Variants in LMNTD1 observed in about 807,000 individuals in gnomAD.
The protein encoded by LMNTD1 is lamin tail domain-containing protein 1.
LMNTD1 carries 35 observed loss-of-function variants against 50.9 expected under a neutral mutation model. The observed-to-expected ratio is 0.69, with a 90% confidence interval of 0.53 to 0.91. The LOEUF (loss-of-function observed/expected upper bound fraction) is 0.91. Among genes scored for constraint, LMNTD1 ranks in the 40% least tolerant of loss-of-function variants. The pLI is 0.00. For synonymous variants in LMNTD1, 153 were observed against 161.9 expected (o/e 0.94, Z 0.42); for missense variants, 470 against 475.5 (o/e 0.99, Z 0.11).
chr12:25,544,259 T>C (rs1001602427), intron 4 of LMNTD1, among the ~76,000 whole-genome samples: 8 of 151,898 alleles, frequency 5.3e-5, no homozygotes, highest in African/African-American at 1.7e-4. Flanking sequence ...GTGTGGGGTG[T>C]ACAGATATTT....
intron 4 of LMNTD1, among the ~76,000 whole-genome samples, chr12:25,544,322 CTTCT>C (rs924930075): frequency 3.3e-5 from 5 of 150,814 alleles, no homozygotes; most frequent in Non-Finnish European, 3.0e-5. Flanking sequence ...ATATAGTGAC[CTTCT>C]TTGTCTCTTT....
In LMNTD1 at chr12:25,566,269, T is replaced by C. The variant is rs1349209850; in HGVS notation, c.59-19715A>G. 3.9e-5 allele frequency among the ~76,000 whole-genome samples: 6 copies of C among 152,308 alleles called. No individual in the cohort carries two copies. In the East Asian group the frequency reaches 9.6e-4, roughly 24 times the overall value. ...GTCTATTTTCTAGTTCCTATAAGTG[T>C]GCTTCATAGTTTTTTATTCTTTTTT... On this transcript the variant is annotated intron_variant, in intron 1 of 7. Transcript: ENST00000445693.
chr12:25,614,762 A>T (rs971743286), intron 1 of LMNTD1, among the ~76,000 whole-genome samples: 1 of 152,194 alleles, frequency 6.6e-6, no homozygotes, highest in African/African-American at 2.4e-5. Context: ...AAAGTATCAC[A>T]GACTGGGTGA....
intron 2 of LMNTD1, among the ~76,000 whole-genome samples, chr12:25,550,899 T>C (rs565123098): frequency 1.3e-5 from 2 of 152,364 alleles, no homozygotes; most frequent in East Asian, 3.9e-4. Context: ...GAAAATGTCA[T>C]GATTACTAGC....
chr12:25,534,904 G>GTT (rs1445665534), intron 4 of LMNTD1, among the ~76,000 whole-genome samples: 1 of 152,078 alleles, frequency 6.6e-6, no homozygotes, highest in African/African-American at 2.4e-5. Flanking sequence ...TAACTTAAGT[G>GTT]GGTCCCAGAA....
intron 9 of LMNTD1, among the ~76,000 whole-genome samples, chr12:25,499,478 T>C (rs936889695): frequency 5.9e-5 from 9 of 152,200 alleles, no homozygotes; most frequent in African/African-American, 2.2e-4. Context: ...TGATTTATGA[T>C]GTTCAGGGCT....
chr12:25,567,528 T>C (rs1944602371), intron 1 of LMNTD1, among the ~76,000 whole-genome samples: 1 of 152,248 alleles, frequency 6.6e-6, no homozygotes, highest in Non-Finnish European at 1.5e-5. Flanking sequence ...TGTTGAATTG[T>C]AATCCCCAGT....
At chr12:25,564,030 A>G (rs1944449165) in intron 1 of LMNTD1, among the ~76,000 whole-genome samples, 1 of 151,972 alleles carries the variant, frequency 6.6e-6, no homozygotes, top group Non-Finnish European at 1.5e-5. Flanking sequence ...GAGTGTCCCA[A>G]TTTTCCAGGT....
upstream of LMNTD1, among the ~76,000 whole-genome samples, chr12:25,556,251 G>A (rs973833867): frequency 2.6e-5 from 4 of 152,160 alleles, no homozygotes; most frequent in African/African-American, 9.7e-5. Flanking sequence ...GGGATTACAG[G>A]TGTGAGCCAT....
At chr12:25,602,887 C>A (rs986660831) in intron 1 of LMNTD1, among the ~76,000 whole-genome samples, 1 of 152,044 alleles carries the variant, frequency 6.6e-6, no homozygotes, top group Non-Finnish European at 1.5e-5. Flanking sequence ...CTAACCTATT[C>A]TAACAGTCCT....
intron 4 of LMNTD1, among the ~76,000 whole-genome samples, chr12:25,544,829 AAG>A (rs1220313765): frequency 6.6e-6 from 1 of 151,920 alleles, no homozygotes; most frequent in East Asian, 1.9e-4. Context: ...AATAGAAAAA[AAG>A]AAAGAATAGA....
chr12:25,478,038 T>C (rs1347441371), intron 9 of LMNTD1, among the ~76,000 whole-genome samples: 1 of 152,260 alleles, frequency 6.6e-6, no homozygotes, highest in Non-Finnish European at 1.5e-5. Context: ...TGCCTGCTTA[T>C]ATTCTAGCCG....
At chr12:25,539,245 C>G (rs1942865026) in intron 4 of LMNTD1, among the ~76,000 whole-genome samples, 1 of 149,538 alleles carries the variant, frequency 6.7e-6, no homozygotes, top group African/African-American at 2.5e-5. Context: ...CTACAGAACT[C>G]TCCACCCCAA....
intron 1 of LMNTD1, among the ~76,000 whole-genome samples, chr12:25,606,073 G>A (rs1222418409): frequency 6.6e-5 from 10 of 152,076 alleles, no homozygotes; most frequent in East Asian, 3.9e-4. Context: ...GGATTCCTAG[G>A]TATTTTATTC....
rs796680968 is a variant in LMNTD1 at position 25,639,124 on chromosome 12, TGAAGTTG to T, written c.58+9363_58+9369del. On this transcript the variant is annotated intron_variant, in intron 1 of 7. Coordinates refer to the LMNTD1 transcript ENST00000445693. ...AACTAAATATCTACATGCAAATGAA[TGAAGTTG>T]GACCCTTCCTCAAATTACACACAAA... is the stretch of plus-strand genomic sequence containing the variant. Among the ~76,000 whole-genome samples the T allele has an allele frequency of 9.9e-5, 15 of 152,240 alleles. 1 individual carries two copies. The highest frequency in any genetic ancestry group is 6.8e-3 in the Middle Eastern group (2 of 294).
chr12:25,526,260 C>A (rs997036204), intron 5 of LMNTD1, 42 bp from the exon 6 acceptor site: 4 of 1,589,666 alleles, frequency 2.5e-6, no homozygotes, highest in Non-Finnish European at 3.4e-6. Context: ...TGGAGTTGAA[C>A]ACAATTTTGT....
chr12:25,589,468 T>C (rs1030729025), intron 1 of LMNTD1, among the ~76,000 whole-genome samples: 9 of 152,112 alleles, frequency 5.9e-5, no homozygotes, highest in Non-Finnish European at 8.8e-5. Flanking sequence ...GGGGCTGGGA[T>C]TGGGGATGGA....
At chr12:25,504,832 A>G (rs889779651) in intron 8 of LMNTD1, among the ~76,000 whole-genome samples, 4 of 152,368 alleles carry the variant, frequency 2.6e-5, no homozygotes, top group African/African-American at 9.6e-5. Context: ...ACATCACAGT[A>G]TAAACTTGCT....
rs77005721 is a variant in LMNTD1, at chr12:25,515,844, T to C, written c.1189+2951A>G. ...AAGATAGATTTCTTTCTATCTAAGA[T>C]TCTTCTGTAACTCAGCAAACTAGCC... On this transcript the variant is annotated intron_variant, in intron 8 of 9. Transcript: ENST00000458174. Among the ~76,000 whole-genome samples the C allele has an allele frequency of 7.4e-4, 112 of 152,252 alleles. 4 individuals are homozygous for C. The East Asian group carries it at 0.021, about 28-fold the overall frequency.
Sources: allele counts gnomAD v4.1 joint callset (sites outside exome capture counted in the v4.1 genomes callset), GRCh38; gene constraint gnomAD v4.1.1; transcripts MANE v1.5; gene names NCBI Gene and HGNC (gene_info 2026-07-23, HGNC 2026-07-21).